Variants in SYCP1 observed in about 807,000 individuals in gnomAD.
SYCP1 encodes the protein cancer/testis antigen 8.
In SYCP1, 64 loss-of-function variants were observed where a neutral mutation model predicts 153.1. The observed-to-expected ratio is 0.42, with a 90% CI of 0.34 to 0.51. The LOEUF (loss-of-function observed/expected upper bound fraction) is 0.51. Ranked by LOEUF, SYCP1 falls within the 20% of genes least tolerant of loss-of-function variation. The pLI, the probability that SYCP1 is intolerant of heterozygous loss-of-function variation, is 0.06. For synonymous variants in SYCP1, 384 were observed against 341.8 expected, an observed-to-expected ratio of 1.12 and a Z score of -1.36; for missense variants, 997 against 1,049.0, an observed-to-expected ratio of 0.95 and a Z score of 0.68.
chr1:114,913,023 TAAAAAATAGG>T lies in SYCP1; in HGVS notation c.1530-9_1530del. On this transcript the variant is annotated splice_acceptor_variant and splice_polypyrimidine_tract_variant and coding_sequence_variant and intron_variant, in exon 19 of 32. Transcript: ENST00000369522. LOFTEE classifies it high-confidence loss of function. ...AATATTTTGGTATGACTTTTTTTTT[TAAAAAATAGG>T]CTTAAGAATACTGAATTAACTTCAC... 6.5e-7 allele frequency: 1 copy of T among 1,547,506 alleles called. No homozygotes were observed. The highest frequency in any genetic ancestry group is 1.4e-5 in the African/African-American group (1 of 71,594).
chr1:114,938,430 G>C (rs1049294443), intron 23 of SYCP1, among the ~76,000 whole-genome samples: 1 of 151,640 alleles, frequency 6.6e-6, no homozygotes, highest in African/African-American at 2.4e-5. Flanking sequence ...GATAGCATTA[G>C]GAGATATACC....
At chr1:114,953,046 T>C (rs914635092) in intron 27 of SYCP1, among the ~76,000 whole-genome samples, 8 of 152,176 alleles carry the variant, frequency 5.3e-5, no homozygotes, top group Non-Finnish European at 1.5e-5. Flanking sequence ...TGGTGGAAGA[T>C]AAAAAGGCAA....
chr1:114,935,249 A>G (rs360664), intron 23 of SYCP1, among the ~76,000 whole-genome samples: 75,146 of 152,018 alleles, frequency 0.49, 19,924 homozygotes, highest in Middle Eastern at 0.62. Flanking sequence ...CAGGATTAAG[A>G]AACTCACTCA....
intron 27 of SYCP1, among the ~76,000 whole-genome samples, chr1:114,963,633 C>G (rs1247996668): frequency 6.6e-6 from 1 of 152,036 alleles, no homozygotes; most frequent in Non-Finnish European, 1.5e-5. Context: ...GTTTGGTTTT[C>G]TGTTTCTGTG....
chr1:114,955,982 T>C (rs899227581), intron 27 of SYCP1, among the ~76,000 whole-genome samples: 7 of 152,180 alleles, frequency 4.6e-5, no homozygotes, highest in East Asian at 1.9e-4. Flanking sequence ...CTTGCTGATA[T>C]TGGTTTTGGC....
At chr1:114,930,525 G>T (rs1669557975) in intron 23 of SYCP1, among the ~76,000 whole-genome samples, 1 of 151,922 alleles carries the variant, frequency 6.6e-6, no homozygotes. Context: ...AGGGGGGACT[G>T]TGATGGATTA....
At chr1:114,975,064 T>A (rs1672724750) in intron 27 of SYCP1, among the ~76,000 whole-genome samples, 1 of 151,902 alleles carries the variant, frequency 6.6e-6, no homozygotes, top group Non-Finnish European at 1.5e-5. Context: ...GTGATTTGCA[T>A]TTCTCATATG....
At chr1:114,857,166 A>G (rs1357935090) in intron 3 of SYCP1, 66 bp from the exon 4 acceptor site, 2 of 1,131,466 alleles carry the variant, frequency 1.8e-6, no homozygotes, top group Admixed American at 5.3e-5. Context: ...AAGAGAAAAA[A>G]GAAAAAAAAA....
At chr1:114,956,958 A>T (rs971857062) in intron 27 of SYCP1, among the ~76,000 whole-genome samples, 1 of 152,176 alleles carries the variant, frequency 6.6e-6, no homozygotes, top group African/African-American at 2.4e-5. Flanking sequence ...GGGAAATATA[A>T]CCTCACCAAA....
intron 27 of SYCP1, among the ~76,000 whole-genome samples, chr1:114,970,797 C>T (rs1392572624): frequency 6.6e-6 from 1 of 152,218 alleles, no homozygotes; most frequent in Non-Finnish European, 1.5e-5. Context: ...CTACCAGCAC[C>T]TTCTCCAGTG....
chr1:114,874,016 G>A (rs1665345634), intron 8 of SYCP1, among the ~76,000 whole-genome samples: 1 of 152,142 alleles, frequency 6.6e-6, no homozygotes, highest in East Asian at 1.9e-4. Context: ...ACAGGCGTGA[G>A]CCACCACACC....
At chr1:114,930,079 C>T (rs960116544) in intron 23 of SYCP1, among the ~76,000 whole-genome samples, 2 of 151,796 alleles carry the variant, frequency 1.3e-5, no homozygotes, top group African/African-American at 4.8e-5. Context: ...AAACATCAGA[C>T]TAATAAATAA....
At position 114,926,490 on chromosome 1, in the gene SYCP1, A is replaced by G. The variant is rs201146567; in HGVS notation, c.1864-11A>G. 60 of 1,553,068 alleles carry G rather than the reference A, an allele frequency of 3.9e-5. 2 individuals carry two copies. In the East Asian group the frequency reaches 1.4e-3, roughly 37 times the overall value. ...TTTAGTACTAAATATAATTATTTTT[A>G]ATTTTAACAGAATAAGGCCTTGAAA... On this transcript the variant is annotated splice_polypyrimidine_tract_variant and intron_variant, in intron 22 of 31. Coordinates refer to ENST00000369522, the MANE Select transcript of SYCP1 (RefSeq NM_003176.4).
chr1:114,855,374 CAT>C (rs2101234291), intron 1 of SYCP1, 65 bp from the exon 2 acceptor site: 1 of 870,208 alleles, frequency 1.1e-6, no homozygotes. Context: ...TTAAAGAATA[CAT>C]AGTGTATTCA....
At chr1:114,951,542 G>A (rs1173295446) in intron 27 of SYCP1, among the ~76,000 whole-genome samples, 1 of 152,190 alleles carries the variant, frequency 6.6e-6, no homozygotes, top group Non-Finnish European at 1.5e-5. Context: ...ACATTTTGAA[G>A]AGGGAGGAAA....
intron 12 of SYCP1, among the ~76,000 whole-genome samples, chr1:114,883,938 G>T (rs531961937): frequency 1.3e-5 from 2 of 152,056 alleles, no homozygotes; most frequent in Non-Finnish European, 1.5e-5. Context: ...TGATCCACCC[G>T]CCTCGGCCTC....
chr1:114,879,993 AT>A (rs1395090642), intron 12 of SYCP1, among the ~76,000 whole-genome samples: 1 of 151,952 alleles, frequency 6.6e-6, no homozygotes, highest in African/African-American at 2.4e-5. Flanking sequence ...TAAAAATCTC[AT>A]TTTTCACCTC....
intron 30 of SYCP1, among the ~76,000 whole-genome samples, chr1:114,988,091 A>AAAAAG (rs1329691666): frequency 4.7e-5 from 7 of 148,436 alleles, no homozygotes; most frequent in Non-Finnish European, 1.0e-4. Context: ...AAAAAAAAAA[A>AAAAAG]AAAAAGAAAA....
chr1:114,919,537 CCCT>C (rs1255467506), intron 20 of SYCP1, among the ~76,000 whole-genome samples: 4 of 151,862 alleles, frequency 2.6e-5, no homozygotes, highest in Non-Finnish European at 4.4e-5. Context: ...TAGCTATATT[CCCT>C]CCTCCTTTAT....
Sources: allele counts gnomAD v4.1 joint callset (sites outside exome capture counted in the v4.1 genomes callset), GRCh38; gene constraint gnomAD v4.1.1; transcripts MANE v1.5; gene names NCBI Gene and HGNC (gene_info 2026-07-23, HGNC 2026-07-21).